Variants in NUP93 observed in about 807,000 individuals in gnomAD.
The protein encoded by NUP93 is nucleoporin 93.
A neutral mutation model predicts 107.8 loss-of-function variants in NUP93; 55 were observed. That is an observed-to-expected ratio of 0.51 (90% confidence interval 0.41 to 0.64). NUP93 has a LOEUF of 0.64. NUP93 is among the 30% of genes least tolerant of loss of function. The pLI is 0.00. For synonymous variants in NUP93, 390 were observed against 397.5 expected (o/e 0.98, Z 0.22); for missense variants, 937 against 1,044.7 (o/e 0.90, Z 1.42).
At chr16:56,768,277 C>T (rs1351763250) in intron 3 of NUP93, among the ~76,000 whole-genome samples, 2 of 152,150 alleles carry the variant, frequency 1.3e-5, no homozygotes, top group African/African-American at 2.4e-5. Flanking sequence ...ACGTTCTTGT[C>T]TTTTGGCTGG....
intron 4 of NUP93, among the ~76,000 whole-genome samples, chr16:56,805,184 A>G (rs1359884679): frequency 2.0e-5 from 3 of 151,984 alleles, no homozygotes; most frequent in East Asian, 1.9e-4. Flanking sequence ...CAGCCTCCCA[A>G]GTAGCTGGGA....
chr16:56,820,978 A>G (rs558376533), intron 6 of NUP93, among the ~76,000 whole-genome samples: 7 of 152,350 alleles, frequency 4.6e-5, no homozygotes, highest in Non-Finnish European at 8.8e-5. Context: ...AATATCACAT[A>G]GTTCATTTTC....
At position 56,834,368 on chromosome 16, in the gene NUP93, A is replaced by G. The variant is rs751361961; in HGVS notation, c.1665-2A>G. 2.5e-6 allele frequency: 4 copies of G among 1,614,212 alleles called. No individual in the cohort carries two copies. The highest frequency in any genetic ancestry group is 3.4e-6 in the Non-Finnish European group (4 of 1,180,028). Reference sequence around the variant, plus strand: ...AAACTGAGTTGTTTATTTCCCTTACAGGGATGAGAAAGATAGTCAAGGAGA... The same window carrying G: ...AAACTGAGTTGTTTATTTCCCTTACGGGGATGAGAAAGATAGTCAAGGAGA... On this transcript the variant is annotated splice_acceptor_variant, in intron 14 of 21. Coordinates refer to ENST00000308159, the MANE Select transcript of NUP93 (RefSeq NM_014669.5). LOFTEE classifies it high-confidence loss of function.
chr16:56,821,487 G>C lies in NUP93; in HGVS notation c.565-17G>C. 6.5e-7 allele frequency: 1 copy of C among 1,528,122 alleles called. No homozygotes were observed. The highest frequency in any genetic ancestry group is 1.4e-5 in the African/African-American group (1 of 73,222). 94.7% of individuals were successfully genotyped at this position (1,528,122 alleles called of 1,614,324 possible). A position where few individuals can be genotyped will look rare whatever the true frequency, so the allele number is the denominator to read the frequency against. On this transcript the variant is annotated splice_polypyrimidine_tract_variant and intron_variant, in intron 6 of 21. Transcript: ENST00000308159. Reference sequence around the variant, plus strand: ...AAATAGATACTTTGCCATTTACTTTGCTTTTTATCATTTCAGATTTATATC... The same window carrying C: ...AAATAGATACTTTGCCATTTACTTTCCTTTTTATCATTTCAGATTTATATC...
chr16:56,779,960 T>G (rs190368674), intron 3 of NUP93, among the ~76,000 whole-genome samples: 1 of 152,160 alleles, frequency 6.6e-6, no homozygotes, highest in East Asian at 1.9e-4. Context: ...AGGCAGAGAT[T>G]CCTATTGCTA....
intron 18 of NUP93, among the ~76,000 whole-genome samples, chr16:56,838,529 C>G (rs1388558229): frequency 2.6e-5 from 4 of 152,150 alleles, no homozygotes; most frequent in African/African-American, 9.7e-5. Flanking sequence ...TAACTTCACC[C>G]AGAGAGCTCA....
intron 8 of NUP93, among the ~76,000 whole-genome samples, chr16:56,824,515 C>T (rs1963617409): frequency 1.3e-5 from 2 of 152,200 alleles, no homozygotes; most frequent in African/African-American, 4.8e-5. Context: ...CATGAGTGTG[C>T]AATAGAATCT....
At chr16:56,828,386 G>A (rs1229833766) in intron 8 of NUP93, among the ~76,000 whole-genome samples, 2 of 152,062 alleles carry the variant, frequency 1.3e-5, no homozygotes, top group African/African-American at 4.8e-5. Context: ...TTAATGTTAA[G>A]TTTCTTGGTA....
intron 4 of NUP93, among the ~76,000 whole-genome samples, chr16:56,803,419 C>G (rs577311251): frequency 2.0e-5 from 3 of 151,882 alleles, no homozygotes; most frequent in African/African-American, 4.8e-5. Flanking sequence ...GAGCTGAGAT[C>G]GTTCTGCTGC....
chr16:56,738,261 C>T (rs1267039712), intron 1 of NUP93, among the ~76,000 whole-genome samples: 1 of 152,256 alleles, frequency 6.6e-6, no homozygotes, highest in Non-Finnish European at 1.5e-5. Flanking sequence ...ACAGCACTTT[C>T]TTCCCAGCTG....
At chr16:56,793,991 G>A (rs1457841622) in intron 3 of NUP93, among the ~76,000 whole-genome samples, 1 of 152,020 alleles carries the variant, frequency 6.6e-6, no homozygotes, top group Non-Finnish European at 1.5e-5. Flanking sequence ...GGGAGGTGGA[G>A]GTGCAGTGAG....
At chr16:56,781,893 A>G (rs1962521921) in intron 3 of NUP93, 1 of 985,404 alleles carries the variant, frequency 1.0e-6, no homozygotes, top group African/African-American at 1.7e-5. Context: ...GTAGCGCACA[A>G]CGAATGGTGA....
intron 5 of NUP93, among the ~76,000 whole-genome samples, chr16:56,810,981 A>G (rs923273125): frequency 6.6e-6 from 1 of 152,216 alleles, no homozygotes; most frequent in Non-Finnish European, 1.5e-5. Flanking sequence ...ATTCATTCTC[A>G]TGGCTAAACA....
intron 12 of NUP93, among the ~76,000 whole-genome samples, 193 bp from the exon 13 acceptor site, chr16:56,833,022 G>A (rs1303689197): frequency 6.6e-6 from 1 of 152,192 alleles, no homozygotes; most frequent in Non-Finnish European, 1.5e-5. Context: ...AGAGAAGGTG[G>A]AGGAGCCAGG....
intron 6 of NUP93, among the ~76,000 whole-genome samples, chr16:56,821,004 C>T (rs1203308503): frequency 1.3e-5 from 2 of 152,130 alleles, no homozygotes; most frequent in Non-Finnish European, 2.9e-5. Flanking sequence ...GAAAATTTTA[C>T]CTGAAGAACA....
intron 3 of NUP93, among the ~76,000 whole-genome samples, chr16:56,778,251 G>A (rs758138463): frequency 2.4e-4 from 37 of 152,178 alleles, no homozygotes; most frequent in Non-Finnish European, 4.4e-4. Context: ...TTAGCTTGCC[G>A]GAAGTGAAAG....
At chr16:56,797,690 C>T (rs1377148700) in intron 3 of NUP93, among the ~76,000 whole-genome samples, 1 of 152,138 alleles carries the variant, frequency 6.6e-6, no homozygotes, top group African/African-American at 2.4e-5. Flanking sequence ...ATGTATTGAG[C>T]CTTGGGTCAA....
At chr16:56,831,724 A>C in intron 10 of NUP93, 118 bp from the exon 11 acceptor site, 1 of 1,011,974 alleles carries the variant, frequency 9.9e-7, no homozygotes, top group South Asian at 1.6e-5. Flanking sequence ...AGTGTCTCTT[A>C]CCCCGGATGA....
chr16:56,837,408 T>C (rs1567413091), intron 17 of NUP93, among the ~76,000 whole-genome samples, 200 bp from the exon 18 acceptor site: 1 of 152,124 alleles, frequency 6.6e-6, no homozygotes, highest in African/African-American at 2.4e-5. Context: ...ACTAAAAATA[T>C]AAAAATTAGT....
Sources: gnomAD v4.1 joint callset for allele counts (sites outside exome capture counted in the v4.1 genomes callset) on GRCh38, gnomAD v4.1.1 for gene constraint, MANE v1.5 for transcripts, NCBI Gene and HGNC (gene_info 2026-07-23, HGNC 2026-07-21) for gene names.